The following CCDC66 variants were observed in gnomAD, a reference collection of about 807,000 sequenced individuals.
The protein encoded by CCDC66 is coiled-coil domain-containing protein 66.
Under a neutral mutation model 128.3 loss-of-function variants are expected in CCDC66, and 133 were observed. The observed-to-expected ratio is 1.04, with a 90% CI of 0.90 to 1.20. The LOEUF (loss-of-function observed/expected upper bound fraction) is 1.20. Ranked by LOEUF, CCDC66 falls within the 50% of genes most tolerant of loss-of-function variation. The pLI is 0.00. For synonymous variants in CCDC66, 387 were observed against 357.0 expected (o/e 1.08, Z -0.95); for missense variants, 1,126 against 1,075.5 (o/e 1.05, Z -0.66).
intron 7 of CCDC66, among the ~76,000 whole-genome samples, chr3:56,583,403 A>G (rs1412503102): frequency 6.6e-6 from 1 of 151,878 alleles, no homozygotes; most frequent in Admixed American, 6.6e-5. Flanking sequence ...CAGATAAACA[A>G]GTGAACAAAG....
chr3:56,566,149 G>A (rs1437394495), intron 4 of CCDC66, among the ~76,000 whole-genome samples: 5 of 48,910 alleles, frequency 1.0e-4, no homozygotes, highest in Non-Finnish European at 2.7e-4. Flanking sequence ...TTTTTGAGAC[G>A]ACATCTGGCC....
At chr3:56,569,305 G>T in intron 6 of CCDC66, 1 of 321,826 alleles carries the variant, frequency 3.1e-6, no homozygotes, top group Non-Finnish European at 6.7e-6. Context: ...GGTTTATTTG[G>T]CCCACAGTTT....
intron 6 of CCDC66, among the ~76,000 whole-genome samples, chr3:56,568,364 A>G (rs1181959093): frequency 2.0e-5 from 3 of 152,224 alleles, no homozygotes; most frequent in African/African-American, 7.2e-5. Context: ...CAAAATGCAC[A>G]GATGCTCATG....
intron 7 of CCDC66, among the ~76,000 whole-genome samples, chr3:56,584,100 C>T (rs1258009451): frequency 6.6e-5 from 9 of 136,180 alleles, no homozygotes; most frequent in South Asian, 2.4e-4. Flanking sequence ...GGCGGCTGGC[C>T]GGGCGGGGGC....
At chr3:56,580,322 C>T (rs953406426) in intron 7 of CCDC66, among the ~76,000 whole-genome samples, 1 of 151,518 alleles carries the variant, frequency 6.6e-6, no homozygotes, top group Non-Finnish European at 1.5e-5. Context: ...TGAGATGGGT[C>T]TCCGGAATAC....
intron 7 of CCDC66, among the ~76,000 whole-genome samples, chr3:56,582,299 A>C (rs1387245247): frequency 6.6e-6 from 1 of 151,864 alleles, no homozygotes; most frequent in African/African-American, 2.4e-5. Context: ...CCGATTTTCC[A>C]GGTACCGTCT....
Position 56,585,191 on chromosome 3 carries a change from G to A in CCDC66, c.937-7779G>A, listed in dbSNP as rs112600555. 2.3e-3 allele frequency among the ~76,000 whole-genome samples: 354 copies of A among 151,834 alleles called. 2 individuals carry two copies. The highest frequency in any genetic ancestry group is 8.4e-3 in the African/African-American group (347 of 41,504). On this transcript the variant is annotated intron_variant, in intron 7 of 17. Transcript: ENST00000394672. ...AGTTTTTTAAGAAAATATTCACTCA[G>A]TTTTTATCTACTCATATCTTAAGGA...
chr3:56,560,281 G>A (rs544440533), intron 3 of CCDC66, among the ~76,000 whole-genome samples: 1 of 152,278 alleles, frequency 6.6e-6, no homozygotes, highest in East Asian at 1.9e-4. Context: ...CACCCAGGTT[G>A]GAGTGTAGTG....
chr3:56,602,686 C>T (rs886344350), intron 10 of CCDC66, among the ~76,000 whole-genome samples: 12 of 151,782 alleles, frequency 7.9e-5, no homozygotes, highest in African/African-American at 2.7e-4. Context: ...GATTCGTCTT[C>T]TTCTTGGTTT....
At chr3:56,561,985 A>G (rs771527427) in intron 3 of CCDC66, among the ~76,000 whole-genome samples, 11 of 151,918 alleles carry the variant, frequency 7.2e-5, no homozygotes, top group Non-Finnish European at 1.5e-4. Flanking sequence ...CAAGTTTAAC[A>G]TATATGTGGT....
intron 14 of CCDC66, 47 bp downstream of exon 14, chr3:56,617,652 A>G (rs776260762): frequency 8.4e-6 from 13 of 1,546,370 alleles, no homozygotes; most frequent in Admixed American, 4.3e-5. Flanking sequence ...TCTGGATTCA[A>G]AACACAGTTT....
At chr3:56,607,908 G>C (rs1244440533) in intron 10 of CCDC66, among the ~76,000 whole-genome samples, 1 of 152,084 alleles carries the variant, frequency 6.6e-6, no homozygotes, top group East Asian at 1.9e-4. Context: ...TGTGATTTTT[G>C]TTCTTAATTC....
At chr3:56,601,645 T>A (rs901485044) in intron 10 of CCDC66, among the ~76,000 whole-genome samples, 3 of 152,068 alleles carry the variant, frequency 2.0e-5, no homozygotes, top group African/African-American at 7.3e-5. Context: ...CTCTTTTATT[T>A]CCTTGAGCAG....
intron 10 of CCDC66, among the ~76,000 whole-genome samples, chr3:56,595,056 T>G (rs753663467): frequency 6.6e-6 from 1 of 152,206 alleles, no homozygotes; most frequent in Non-Finnish European, 1.5e-5. Context: ...AATAATACTT[T>G]CAGTATGCTG....
rs763259891 is a variant in CCDC66, at chr3:56,617,174, G to C, written c.1906G>C (p.Asp636His). The change falls in exon 14 of 18, where the codon GAC (aspartate) becomes CAC (histidine). Residue 636 changes from aspartate to histidine, a missense_variant. Asp to His is a moderately conservative substitution (Grantham distance 81). Coordinates refer to ENST00000394672, the MANE Select transcript of CCDC66 (RefSeq NM_001141947.3). Reference protein sequence around the residue: ...ESHCGSLMERDITNCSSPEIS... With the variant: ...ESHCGSLMERHITNCSSPEIS... ...ACATTGTGGATCATTAATGGAGAGG[G>C]ACATCACAAATTGTTCATCTCCTGA... The C allele has an allele frequency of 1.4e-5, 22 of 1,611,314 alleles. No homozygotes were observed. Among genetic ancestry groups the C allele is most frequent in the South Asian group, 1.3e-4 (12 of 90,480 alleles).
chr3:56,576,646 A>C (rs958234357), intron 7 of CCDC66, among the ~76,000 whole-genome samples: 1 of 147,430 alleles, frequency 6.8e-6, no homozygotes, highest in East Asian at 2.1e-4. Flanking sequence ...TATAAGTGAG[A>C]ACATGCAATG....
intron 15 of CCDC66, chr3:56,618,699 T>G (rs2075883914): frequency 6.3e-6 from 1 of 158,876 alleles, no homozygotes; most frequent in Non-Finnish European, 1.4e-5. Flanking sequence ...CATTATTGTA[T>G]GGTGAATTAT....
chr3:56,616,155 T>C (rs1295730013), intron 13 of CCDC66, 102 bp downstream of exon 13: 69 of 1,055,740 alleles, frequency 6.5e-5, no homozygotes, highest in Non-Finnish European at 9.0e-5. Flanking sequence ...TTAACAAAAC[T>C]TGAGGTTTTC....
At chr3:56,568,255 A>G (rs2066152934) in intron 6 of CCDC66, among the ~76,000 whole-genome samples, 1 of 152,188 alleles carries the variant, frequency 6.6e-6, no homozygotes, top group Non-Finnish European at 1.5e-5. Flanking sequence ...TCAAATTAAT[A>G]CATTTTGGGG....
Sources: allele counts gnomAD v4.1 joint callset (sites outside exome capture counted in the v4.1 genomes callset), GRCh38; gene constraint gnomAD v4.1.1; transcripts MANE v1.5; gene names NCBI Gene and HGNC (gene_info 2026-07-23, HGNC 2026-07-21).